Variants in RBFOX1 observed in about 807,000 individuals in gnomAD.
RBFOX1 encodes RNA binding protein fox-1 homolog 1.
Under a neutral mutation model 57.7 loss-of-function variants are expected in RBFOX1, and 8 were observed. The ratio of observed to expected loss-of-function variants is 0.14; its 90% confidence interval spans 0.08 to 0.25. RBFOX1 has a LOEUF of 0.25. RBFOX1 is among the 10% of genes least tolerant of loss of function. The pLI, the probability that RBFOX1 is intolerant of heterozygous loss-of-function variation, is 1.00. For missense variants in RBFOX1, 611 were observed against 548.5 expected, an observed-to-expected ratio of 1.11 and a Z score of -1.14; for synonymous variants, 326 against 222.4, an observed-to-expected ratio of 1.47 and a Z score of -4.15.
At chr16:7,046,218 T>C (rs887973117) in intron 3 of RBFOX1, among the ~76,000 whole-genome samples, 4 of 150,230 alleles carry the variant, frequency 2.7e-5, no homozygotes, top group African/African-American at 1.0e-4. Flanking sequence ...TTGTATAAAG[T>C]GTGAGGTTTA....
intron 4 of RBFOX1, among the ~76,000 whole-genome samples, chr16:7,096,060 G>T (rs8055538): frequency 6.6e-6 from 1 of 150,892 alleles, no homozygotes; most frequent in Admixed American, 6.6e-5. Context: ...AACATGGAGA[G>T]CATCTAATGC....
At chr16:7,484,000 TG>T (rs1306315817) in intron 4 of RBFOX1, among the ~76,000 whole-genome samples, 1 of 152,218 alleles carries the variant, frequency 6.6e-6, no homozygotes, top group South Asian at 2.1e-4. Flanking sequence ...CAGTCTATTC[TG>T]CCCCCCCATT....
intron 4 of RBFOX1, among the ~76,000 whole-genome samples, chr16:7,255,011 C>T (rs2094621194): frequency 6.6e-6 from 1 of 152,064 alleles, no homozygotes; most frequent in African/African-American, 2.4e-5. Flanking sequence ...CTGTTGTGTC[C>T]TGAGTGTGCA....
intron 1 of RBFOX1, among the ~76,000 whole-genome samples, chr16:5,417,453 G>A (rs995888180): frequency 7.2e-5 from 11 of 152,132 alleles, no homozygotes; most frequent in African/African-American, 2.7e-4. Context: ...AGATTTTTGT[G>A]GTGAAAGAGC....
At chr16:5,243,680 A>T in intron 1 of RBFOX1, among the ~76,000 whole-genome samples, 1 of 152,124 alleles carries the variant, frequency 6.6e-6, no homozygotes, top group East Asian at 1.9e-4. Flanking sequence ...CCATTGGTCT[A>T]CACTTGTGGA....
At chr16:7,346,271 A>G (rs371451531) in intron 4 of RBFOX1, among the ~76,000 whole-genome samples, 4 of 151,974 alleles carry the variant, frequency 2.6e-5, no homozygotes, top group Admixed American at 6.6e-5. Flanking sequence ...CCTGGGCCAC[A>G]TGGGACACAC....
At chr16:7,246,821 T>C (rs1013459464) in intron 4 of RBFOX1, among the ~76,000 whole-genome samples, 12 of 152,082 alleles carry the variant, frequency 7.9e-5, no homozygotes, top group African/African-American at 2.7e-4. Context: ...GACTGACTGA[T>C]CAAAGAGAGC....
chr16:5,924,368 C>T (rs533443536), intron 4 of RBFOX1, among the ~76,000 whole-genome samples: 1 of 152,184 alleles, frequency 6.6e-6, no homozygotes, highest in South Asian at 2.1e-4. Context: ...GAGATGGGGC[C>T]TAATGAGAGG....
intron 4 of RBFOX1, among the ~76,000 whole-genome samples, chr16:7,082,642 G>A (rs568632466): frequency 2.6e-4 from 39 of 152,072 alleles, no homozygotes; most frequent in African/African-American, 7.0e-4. Flanking sequence ...TTCACATTTC[G>A]TTCAGTGTTT....
At chr16:5,938,640 G>A (rs1482125867) in intron 4 of RBFOX1, among the ~76,000 whole-genome samples, 1 of 152,110 alleles carries the variant, frequency 6.6e-6, no homozygotes, top group African/African-American at 2.4e-5. Context: ...CAACAGACCT[G>A]ACTTTGCAAT....
Position 5,420,787 on chromosome 16 carries a change from C to T in RBFOX1, c.220-46429C>T, listed in dbSNP as rs546685073. On this transcript the variant is annotated intron_variant, in intron 1 of 2. Transcript: ENST00000585867. ...TTGGCCTCAAGCGATTCACCTGCCT[C>T]AGCCTCCCAAAGTCCTGGGATTCCA... Among the ~76,000 whole-genome samples the T allele has an allele frequency of 5.9e-5, 9 of 152,180 alleles. No homozygotes were observed. The East Asian group carries it at 1.6e-3, about 26-fold the overall frequency.
chr16:7,225,567 C>G (rs527421595), intron 4 of RBFOX1, among the ~76,000 whole-genome samples: 5 of 151,718 alleles, frequency 3.3e-5, no homozygotes, highest in African/African-American at 1.2e-4. Context: ...TGAAAGTAGA[C>G]TAATACAGTG....
rs1325073661 is a variant in RBFOX1, at chr16:6,781,959, C to G, written c.-16+127309C>G. On this transcript the variant is annotated intron_variant, in intron 3 of 15. Transcript: ENST00000550418. The stretch of plus-strand genomic sequence containing the variant: ...TAGTTTTGGGTTTAGCCTGCTCTTA[C>G]TTTTCTAGTTCTTTAAGATGCAGTT... 4.6e-5 allele frequency among the ~76,000 whole-genome samples: 7 copies of G among 152,108 alleles called. No homozygotes were observed. The East Asian group carries it at 1.4e-3, about 29-fold the overall frequency.
chr16:6,337,477 G>A (rs2083925776), intron 2 of RBFOX1, among the ~76,000 whole-genome samples: 1 of 152,196 alleles, frequency 6.6e-6, no homozygotes, highest in African/African-American at 2.4e-5. Context: ...TTGTGGGCTG[G>A]GAGAGCCAAA....
At chr16:7,129,915 A>C (rs2069759936) in intron 4 of RBFOX1, among the ~76,000 whole-genome samples, 1 of 152,068 alleles carries the variant, frequency 6.6e-6, no homozygotes, top group Admixed American at 6.6e-5. Flanking sequence ...TGATAAGTGG[A>C]ACCCTGCTTT....
At chr16:6,606,857 C>A (rs1366494839) in intron 2 of RBFOX1, among the ~76,000 whole-genome samples, 1 of 152,092 alleles carries the variant, frequency 6.6e-6, no homozygotes, top group Non-Finnish European at 1.5e-5. Context: ...ATTTGTATTC[C>A]TTTGGGTATA....
At chr16:5,360,151 G>A (rs2065504001) in intron 1 of RBFOX1, among the ~76,000 whole-genome samples, 1 of 152,180 alleles carries the variant, frequency 6.6e-6, no homozygotes, top group Admixed American at 6.5e-5. Flanking sequence ...ATAGGCTCCT[G>A]ATCATCCCAC....
chr16:5,391,833 C>T (rs1638301), intron 1 of RBFOX1, among the ~76,000 whole-genome samples: 4,089 of 151,080 alleles, frequency 0.027, 194 homozygotes, highest in African/African-American at 0.094. Context: ...TATATATACA[C>T]ACACACCATA....
intron 4 of RBFOX1, among the ~76,000 whole-genome samples, chr16:7,118,005 C>G (rs1441893872): frequency 6.6e-6 from 1 of 152,172 alleles, no homozygotes; most frequent in Admixed American, 6.5e-5. Context: ...GATTTCCTCT[C>G]TTTGCAATTG....
Sources: allele counts gnomAD v4.1 joint callset (sites outside exome capture counted in the v4.1 genomes callset), GRCh38; gene constraint gnomAD v4.1.1; transcripts MANE v1.5; gene names NCBI Gene and HGNC (gene_info 2026-07-23, HGNC 2026-07-21).